The following ADAMTS20 variants were observed in gnomAD, a reference collection of about 807,000 sequenced individuals.
The protein encoded by ADAMTS20 is A disintegrin and metalloproteinase with thrombospondin motifs 20.
Under a neutral mutation model 260.1 loss-of-function variants are expected in ADAMTS20, and 225 were observed. The ratio of observed to expected loss-of-function variants is 0.87; its 90% CI spans 0.78 to 0.97. The LOEUF (loss-of-function observed/expected upper bound fraction) is 0.97, where lower values mean the gene tolerates loss of function less well. Among genes scored for constraint, ADAMTS20 ranks in the 50% least tolerant of loss-of-function variants. The pLI is 0.00. For synonymous variants in ADAMTS20, 802 were observed against 769.5 expected, an observed-to-expected ratio of 1.04 and a Z score of -0.70; for missense variants, 2,400 against 2,337.7, an observed-to-expected ratio of 1.03 and a Z score of -0.55.
chr12:43,515,639 A>C (rs2137471213), intron 3 of ADAMTS20, among the ~76,000 whole-genome samples: 1 of 152,326 alleles, frequency 6.6e-6, no homozygotes, highest in East Asian at 1.9e-4. Flanking sequence ...TCTAGTGTTA[A>C]AAAACTTAGA....
chr12:43,536,883 G>T (rs1465832077), intron 2 of ADAMTS20, among the ~76,000 whole-genome samples: 1 of 152,116 alleles, frequency 6.6e-6, no homozygotes, highest in African/African-American at 2.4e-5. Flanking sequence ...ACATGGAAAG[G>T]CATGTTTCTG....
At chr12:43,471,248 G>A (rs1368877466) in intron 7 of ADAMTS20, among the ~76,000 whole-genome samples, 4 of 152,218 alleles carry the variant, frequency 2.6e-5, no homozygotes, top group South Asian at 2.1e-4. Flanking sequence ...AAATCGGGTC[G>A]CTCCCACCCG....
rs551159462 is a variant in ADAMTS20 at position 43,384,839 on chromosome 12, C to A, written c.4453-862G>T. Reference sequence around the variant, plus strand: ...CCATGTTATATACGTGCTGCATTTTCTTTATCCAGTCTATTCTTGATGGGC... The same window carrying A: ...CCATGTTATATACGTGCTGCATTTTATTTATCCAGTCTATTCTTGATGGGC... On this transcript the variant is annotated intron_variant, in intron 29 of 38. Coordinates refer to ENST00000389420, the MANE Select transcript of ADAMTS20 (RefSeq NM_025003.5). Among the ~76,000 whole-genome samples, 9 of 152,246 alleles carry A rather than the reference C, an allele frequency of 5.9e-5. No homozygotes were observed. In the South Asian group the frequency reaches 1.9e-3, roughly 32 times the overall value.
chr12:43,519,158 T>C (rs189227185), intron 3 of ADAMTS20, among the ~76,000 whole-genome samples: 3 of 152,220 alleles, frequency 2.0e-5, no homozygotes, highest in Admixed American at 1.3e-4. Flanking sequence ...TTCAGTACTG[T>C]GACTTAAAAT....
chr12:43,534,368 G>T (rs767103103), intron 2 of ADAMTS20, among the ~76,000 whole-genome samples: 2 of 152,168 alleles, frequency 1.3e-5, no homozygotes, highest in African/African-American at 4.8e-5. Flanking sequence ...ATACATTAGT[G>T]TTGAAAATAT....
chr12:43,497,472 A>G (rs1486254836), intron 4 of ADAMTS20, among the ~76,000 whole-genome samples: 1 of 152,190 alleles, frequency 6.6e-6, no homozygotes, highest in African/African-American at 2.4e-5. Flanking sequence ...TACAAAGATC[A>G]TTACTCTTTA....
chr12:43,496,395 A>T (rs1347891841), intron 4 of ADAMTS20, among the ~76,000 whole-genome samples: 2 of 152,214 alleles, frequency 1.3e-5, no homozygotes, highest in Admixed American at 1.3e-4. Flanking sequence ...TAGAGCACTG[A>T]CTACTTTATC....
rs768727233 is a variant in ADAMTS20 at position 43,432,382 on chromosome 12, G to A, written c.3018C>T (p.Cys1006=). ...NFGHRLADNE[C]QELSRVTREN... is the part of the protein sequence containing the mutation. ...CTCTCGTCACTCGGGACAGTTCTTGGCATTCATTGTCAGCAAGACGATGGC... is the reference window on the plus strand; with the variant it reads ...CTCTCGTCACTCGGGACAGTTCTTGACATTCATTGTCAGCAAGACGATGGC... Residue 1006 remains cysteine, a synonymous_variant, in exon 21 of 39, where the codon TGC becomes TGT. Transcript: ENST00000389420. 9 of 1,613,638 alleles carry A rather than the reference G, an allele frequency of 5.6e-6. No individual in the cohort carries two copies. The highest frequency in any genetic ancestry group is 1.6e-4 in the Middle Eastern group (1 of 6,062).
intron 28 of ADAMTS20, among the ~76,000 whole-genome samples, chr12:43,407,436 T>G (rs976242778): frequency 2.0e-5 from 3 of 151,602 alleles, no homozygotes; most frequent in Non-Finnish European, 3.0e-5. Flanking sequence ...AGAACTTACA[T>G]GTAATTCATC....
chr12:43,416,765 G>A lies in ADAMTS20; in HGVS notation c.4284+8749C>T, dbSNP rs575399956. Among the ~76,000 whole-genome samples the A allele has an allele frequency of 5.1e-4, 78 of 151,770 alleles. 1 individual carries two copies. The highest frequency in any genetic ancestry group is 1.7e-3 in the African/African-American group (71 of 41,388). On this transcript the variant is annotated intron_variant, in intron 28 of 38. Coordinates refer to ENST00000389420, the MANE Select transcript of ADAMTS20 (RefSeq NM_025003.5). The stretch of plus-strand genomic sequence containing the variant: ...TCTCGATCTCCTGACCTCGTGATCC[G>A]ACCGCCTCGGCCTCCCAAAGTGCTG...
intron 4 of ADAMTS20, 110 bp from the exon 5 acceptor site, chr12:43,493,363 A>C: frequency 2.7e-6 from 2 of 727,744 alleles, no homozygotes; most frequent in Non-Finnish European, 4.5e-6. Context: ...GCACGTAGGA[A>C]TCTTGGAATC....
intron 29 of ADAMTS20, among the ~76,000 whole-genome samples, chr12:43,389,909 G>C (rs1279222164): frequency 2.0e-5 from 3 of 152,100 alleles, no homozygotes; most frequent in Admixed American, 2.0e-4. Context: ...TTGAAATTTA[G>C]GCGGAAGTTG....
At chr12:43,407,488 T>C (rs1028890718) in intron 28 of ADAMTS20, among the ~76,000 whole-genome samples, 1 of 151,682 alleles carries the variant, frequency 6.6e-6, no homozygotes, top group Non-Finnish European at 1.5e-5. Context: ...TTTACTATAA[T>C]TATTAATATT....
Position 43,551,923 on chromosome 12 carries a change from G to C in ADAMTS20, c.-2C>G. 6.2e-7 allele frequency: 1 copy of C among 1,613,324 alleles called. No homozygotes were observed. The highest frequency in any genetic ancestry group is 8.5e-7 in the Non-Finnish European group (1 of 1,179,650). On this transcript the variant is annotated 5_prime_UTR_variant, in exon 1 of 39. Coordinates refer to ENST00000389420, the MANE Select transcript of ADAMTS20 (RefSeq NM_025003.5). This position sits in a 1 kb window ranked among gnomAD's most constrained non-coding sequence, Gnocchi z 4.6. ...AGTCAGCCACTTGGCCACCCACATGGTTCCACCCTGGGGACCCCGATCGGG... is the reference window on the plus strand; with the variant it reads ...AGTCAGCCACTTGGCCACCCACATGCTTCCACCCTGGGGACCCCGATCGGG...
downstream of ADAMTS20, among the ~76,000 whole-genome samples, chr12:43,353,703 T>C (rs925571240): frequency 2.6e-5 from 4 of 152,152 alleles, no homozygotes; most frequent in South Asian, 2.1e-4. Flanking sequence ...CAAAGTACAA[T>C]GGCTCTGTGC....
chr12:43,540,703 T>A (rs1399893178), intron 2 of ADAMTS20, among the ~76,000 whole-genome samples: 1 of 152,196 alleles, frequency 6.6e-6, no homozygotes, highest in Non-Finnish European at 1.5e-5. Context: ...GCAACATGAC[T>A]ATCTGCAGAT....
chr12:43,486,724 C>T (rs539035500), intron 7 of ADAMTS20, among the ~76,000 whole-genome samples: 3 of 151,648 alleles, frequency 2.0e-5, no homozygotes, highest in Non-Finnish European at 2.9e-5. Context: ...TCAAACAAAT[C>T]GGCAAGAAAA....
At chr12:43,462,868 C>T (rs368826955) in intron 11 of ADAMTS20, 27 bp downstream of exon 11, 6 of 1,552,880 alleles carry the variant, frequency 3.9e-6, no homozygotes, top group East Asian at 4.6e-5. Context: ...TATCTTCATA[C>T]AAGACTCACC....
At chr12:43,469,954 T>A (rs966803982) in intron 7 of ADAMTS20, among the ~76,000 whole-genome samples, 1 of 152,174 alleles carries the variant, frequency 6.6e-6, no homozygotes, top group Non-Finnish European at 1.5e-5. Flanking sequence ...GACCACACCA[T>A]CAAAAGGTCT....
Sources: gnomAD v4.1 joint callset for allele counts (sites outside exome capture counted in the v4.1 genomes callset) on GRCh38, gnomAD v4.1.1 for gene constraint, Gnocchi (gnomAD v3.1) non-coding constraint, MANE v1.5 for transcripts, NCBI Gene and HGNC (gene_info 2026-07-23, HGNC 2026-07-21) for gene names.